The following ZFYVE28 variants were observed in gnomAD, a reference collection of about 807,000 sequenced individuals.
The protein encoded by ZFYVE28 is lateral signaling target protein 2 homolog.
ZFYVE28 carries 40 observed loss-of-function variants against 82.1 expected under a neutral mutation model. The observed-to-expected ratio is 0.49, with a 90% CI of 0.38 to 0.63. The LOEUF (loss-of-function observed/expected upper bound fraction) is 0.63. Among genes scored for constraint, ZFYVE28 ranks in the 30% least tolerant of loss-of-function variants. ZFYVE28 has a pLI of 0.00. For missense variants in ZFYVE28, 1,321 were observed against 1,242.1 expected, an observed-to-expected ratio of 1.06 and a Z score of -0.96; for synonymous variants, 612 against 546.1, an observed-to-expected ratio of 1.12 and a Z score of -1.68.
In ZFYVE28 at chr4:2,305,004, C is replaced by A; in HGVS notation, c.1336G>T (p.Gly446Trp). 6.2e-7 allele frequency: 1 copy of A among 1,612,778 alleles called. No individual in the cohort carries two copies. The highest frequency in any genetic ancestry group is 8.5e-7 in the Non-Finnish European group (1 of 1,179,910). The change falls in exon 8 of 13, where the codon GGG becomes TGG. Residue 446 changes from glycine to tryptophan, a missense_variant. By Grantham distance (184) the Gly-to-Trp change is radical. This residue lies in a region of ZFYVE28 where 978 missense variants were observed against 833.7 expected (regional missense o/e 1.17). Transcript: ENST00000290974. ...KGQGGPGGAA[G>W]ISLPASEKEE... ...TTTTCCGAGGCGGGCAAGCTGATCC[C>A]CGCCGCTCCGCCTGGCCCACCCTGC...
At chr4:2,271,552 C>G in intron 11 of ZFYVE28, 123 bp downstream of exon 11, 3 of 1,415,224 alleles carry the variant, frequency 2.1e-6, no homozygotes, top group East Asian at 4.6e-5. Context: ...GGGGCGGTCT[C>G]CCAGCTCCCA....
chr4:2,363,739 C>T (rs1301243378), intron 1 of ZFYVE28, among the ~76,000 whole-genome samples: 1 of 152,234 alleles, frequency 6.6e-6, no homozygotes, highest in Non-Finnish European at 1.5e-5. Flanking sequence ...TGGTATTTGG[C>T]TATGACGATC....
rs1409695678 is a variant in ZFYVE28 at position 2,351,515 on chromosome 4, ACCAG to A, written c.180+2414_180+2417del. On this transcript the variant is annotated intron_variant, in intron 2 of 12. Transcript: ENST00000290974. Reference sequence around the variant, plus strand: ...GATCACTTGAGTTCAGGAGTTTGAGACCAGCCTGGCCAACATGGTGAAACCCCGT... The same window carrying A: ...GATCACTTGAGTTCAGGAGTTTGAGACCTGGCCAACATGGTGAAACCCCGT... Among the ~76,000 whole-genome samples the A allele has an allele frequency of 3.9e-5, 6 of 152,278 alleles. No individual in the cohort carries two copies. In the East Asian group the frequency reaches 5.8e-4, roughly 15 times the overall value.
chr4:2,337,692 CA>C (rs1722069920), intron 4 of ZFYVE28, among the ~76,000 whole-genome samples, 196 bp from the exon 5 acceptor site: 1 of 152,026 alleles, frequency 6.6e-6, no homozygotes, highest in Admixed American at 6.5e-5. Context: ...GGCACCACAG[CA>C]AGACCTCATC....
At chr4:2,271,511 C>A in intron 11 of ZFYVE28, 97 bp from the exon 12 acceptor site, 1 of 1,463,756 alleles carries the variant, frequency 6.8e-7, no homozygotes, top group Non-Finnish European at 9.5e-7. Context: ...TCCAGACTGC[C>A]AAGCCGCCTG....
intron 1 of ZFYVE28, among the ~76,000 whole-genome samples, chr4:2,411,535 T>C (rs1732521394): frequency 6.6e-6 from 1 of 152,202 alleles, no homozygotes; most frequent in Non-Finnish European, 1.5e-5. Context: ...CAAATGGGAC[T>C]CATGTAAAAT....
intron 1 of ZFYVE28, among the ~76,000 whole-genome samples, chr4:2,387,518 C>T (rs1332974786): frequency 2.0e-5 from 3 of 152,198 alleles, no homozygotes; most frequent in African/African-American, 7.2e-5. Flanking sequence ...GCTGCGGACA[C>T]GGGATATGGG....
chr4:2,383,807 C>G (rs1482244341), intron 1 of ZFYVE28, among the ~76,000 whole-genome samples: 1 of 152,194 alleles, frequency 6.6e-6, no homozygotes, highest in African/African-American at 2.4e-5. Flanking sequence ...GAGACCCTGA[C>G]AGACAAGGCT....
At chr4:2,325,506 A>G (rs1719723325) in intron 6 of ZFYVE28, among the ~76,000 whole-genome samples, 1 of 151,872 alleles carries the variant, frequency 6.6e-6, no homozygotes, top group Non-Finnish European at 1.5e-5. Context: ...GCAAAAATAC[A>G]TTCATGGCTT....
At chr4:2,281,571 A>T (rs1711974001) in intron 8 of ZFYVE28, among the ~76,000 whole-genome samples, 1 of 152,090 alleles carries the variant, frequency 6.6e-6, no homozygotes, top group South Asian at 2.1e-4. Context: ...CAGCAATAAC[A>T]AACCCACTCT....
chr4:2,316,192 TCTTTA>T (rs1177253267), intron 7 of ZFYVE28: 2 of 152,390 alleles, frequency 1.3e-5, no homozygotes, highest in Admixed American at 1.3e-4. Flanking sequence ...TTTCTTTCTT[TCTTTA>T]GAGATGGAGT....
At position 2,337,501 on chromosome 4, in the gene ZFYVE28, A is replaced by C; in HGVS notation, c.522-5T>G. The C allele has an allele frequency of 6.2e-7, 1 of 1,600,434 alleles. No homozygotes were observed. ...GGCACCATGGCCGAGACGTAGCTGC[A>C]AACACATGGAGACCTGTGAGGCCGC... On this transcript the variant is annotated splice_polypyrimidine_tract_variant and splice_region_variant and intron_variant, in intron 4 of 12. Transcript: ENST00000290974.
chr4:2,392,492 G>A (rs940293937), intron 1 of ZFYVE28, among the ~76,000 whole-genome samples: 4 of 152,100 alleles, frequency 2.6e-5, no homozygotes, highest in Non-Finnish European at 5.9e-5. Flanking sequence ...TTTCATCCAC[G>A]CTTAGCATGC....
rs367614197 is a variant in ZFYVE28, at chr4:2,362,603, G to C, written c.40-8530C>G. On this transcript the variant is annotated intron_variant, in intron 1 of 12. Transcript: ENST00000290974. This position sits in a 1 kb window ranked among gnomAD's most constrained non-coding sequence, Gnocchi z 5.1. ...CCCAAGGCAGGCCTCATCCACAGCA[G>C]ACACCCCAGGGGCTGCCAGGCTGGG... 1.3e-5 allele frequency among the ~76,000 whole-genome samples: 2 copies of C among 152,078 alleles called. No individual in the cohort carries two copies. Among genetic ancestry groups the C allele is most frequent in the Admixed American group, 1.3e-4 (2 of 15,286 alleles).
rs1404647110 is a variant in ZFYVE28, at chr4:2,336,841, GAGGTGAGGAGTGAGA to G, written c.611+551_611+565del. 1.6e-3 allele frequency among the ~76,000 whole-genome samples: 232 copies of G among 149,338 alleles called. 1 individual carries two copies. The highest frequency in any genetic ancestry group is 5.2e-3 in the African/African-American group (209 of 40,312). On this transcript the variant is annotated intron_variant, in intron 5 of 12. Transcript: ENST00000290974. ...GTGGATTGAGGAGGTGAGGAGTGAG[GAGGTGAGGAGTGAGA>G]AGGTGAGGAGGGAGGAGGTGAAGAG...
chr4:2,408,220 C>T lies in ZFYVE28; in HGVS notation c.39+10065G>A, dbSNP rs953034477. On this transcript the variant is annotated intron_variant, in intron 1 of 12. Transcript: ENST00000290974. This position sits in a 1 kb window ranked among gnomAD's most constrained non-coding sequence, Gnocchi z 4.3. ...CTGGACCAACACATCTCCCCTAACC[C>T]CACCATGCCCTGGGCCTCCCTGTGA... Among the ~76,000 whole-genome samples, 7 of 152,210 alleles carry T rather than the reference C, an allele frequency of 4.6e-5. No individual in the cohort carries two copies. Among genetic ancestry groups the T allele is most frequent in the African/African-American group, 1.7e-4 (7 of 41,462 alleles).
intron 1 of ZFYVE28, among the ~76,000 whole-genome samples, chr4:2,368,157 C>T (rs1433171378): frequency 2.2e-5 from 3 of 139,028 alleles, no homozygotes; most frequent in East Asian, 2.3e-4. Flanking sequence ...GTGGGAGGAG[C>T]ACTTGAGGCC....
At chr4:2,380,938 C>A (rs1728669899) in intron 1 of ZFYVE28, among the ~76,000 whole-genome samples, 1 of 152,082 alleles carries the variant, frequency 6.6e-6, no homozygotes, top group Non-Finnish European at 1.5e-5. Context: ...AAATTGGTAC[C>A]AGTACAGTGG....
chr4:2,391,440 T>C (rs1729813062), intron 1 of ZFYVE28, among the ~76,000 whole-genome samples: 1 of 145,372 alleles, frequency 6.9e-6, no homozygotes, highest in East Asian at 2.0e-4. Flanking sequence ...AGCTAGCACT[T>C]AGGAGGTCAA....
Sources: gnomAD v4.1 joint callset for allele counts (sites outside exome capture counted in the v4.1 genomes callset) on GRCh38, gnomAD v4.1.1 for gene constraint, gnomAD v4.1.1 regional missense constraint, Gnocchi (gnomAD v3.1) non-coding constraint, MANE v1.5 for transcripts, NCBI Gene and HGNC (gene_info 2026-07-23, HGNC 2026-07-21) for gene names.